Variants in ANGPT4 observed in about 807,000 individuals in gnomAD.
The protein encoded by ANGPT4 is angiopoietin 4.
ANGPT4 carries 50 observed loss-of-function variants against 53.0 expected under a neutral mutation model. The ratio of observed to expected loss-of-function variants is 0.94; its 90% CI spans 0.75 to 1.20. The LOEUF is 1.20. ANGPT4 is among the 50% of genes most tolerant of loss of function. ANGPT4 has a pLI of 0.00. For missense variants in ANGPT4, 648 were observed against 637.1 expected (o/e 1.02, Z -0.18); for synonymous variants, 251 against 259.7 (o/e 0.97, Z 0.32).
chr20:870,319 A>G lies in ANGPT4; in HGVS notation c.*2641T>C, dbSNP rs1220599822. ...TGAGGCAGGTGGATCACATGAGGCC[A>G]GGAGTTTGAGACCAGCCTGGCCAAC... On this transcript the variant is annotated 3_prime_UTR_variant, in exon 9 of 9. Coordinates refer to ENST00000381922, the MANE Select transcript of ANGPT4 (RefSeq NM_015985.4). 6.6e-6 allele frequency: 1 copy of G among 152,190 alleles called. No homozygotes were observed. The highest frequency in any genetic ancestry group is 1.5e-5 in the Non-Finnish European group (1 of 68,048). 9.4% of individuals were successfully genotyped at this position (152,190 alleles called of 1,614,324 possible).
chr20:878,556 A>G (rs1246242634), intron 6 of ANGPT4, among the ~76,000 whole-genome samples: 2 of 152,206 alleles, frequency 1.3e-5, no homozygotes. Context: ...AGTTATTGAA[A>G]TCACATTCCT....
chr20:897,468 C>A (rs909832591), intron 1 of ANGPT4, among the ~76,000 whole-genome samples: 1 of 152,218 alleles, frequency 6.6e-6, no homozygotes, highest in African/African-American at 2.4e-5. Flanking sequence ...CTAGTAGAGA[C>A]AAAGGAGACA....
intron 1 of ANGPT4, among the ~76,000 whole-genome samples, chr20:904,937 T>A (rs1428459901): frequency 6.6e-6 from 1 of 152,222 alleles, no homozygotes; most frequent in Non-Finnish European, 1.5e-5. Context: ...AAACTGCCCT[T>A]GGCAGAGGTT....
intron 3 of ANGPT4, among the ~76,000 whole-genome samples, chr20:886,953 A>G (rs1019042558): frequency 2.6e-5 from 4 of 152,226 alleles, no homozygotes; most frequent in African/African-American, 9.6e-5. Context: ...CTCTTTGTTC[A>G]CTTCTGTATC....
intron 1 of ANGPT4, among the ~76,000 whole-genome samples, chr20:894,653 G>A (rs1451949269): frequency 6.6e-6 from 1 of 152,114 alleles, no homozygotes; most frequent in Non-Finnish European, 1.5e-5. Flanking sequence ...AAATTAAAAA[G>A]CAGACATCCA....
At chr20:915,279 C>A (rs73565261) in intron 1 of ANGPT4, among the ~76,000 whole-genome samples, 15,119 of 151,478 alleles carry the variant, frequency 0.1, 1,082 homozygotes, top group African/African-American at 0.2. Context: ...CCTCCCCGCA[C>A]CCTTGCTCCC....
At chr20:877,864 G>T (rs747288064) in intron 7 of ANGPT4, among the ~76,000 whole-genome samples, 13 of 152,184 alleles carry the variant, frequency 8.5e-5, no homozygotes, top group Non-Finnish European at 1.5e-5. Context: ...TTTTGCTTCT[G>T]GGTCTCTGTA....
At chr20:889,899 C>T (rs564323013) in intron 2 of ANGPT4, among the ~76,000 whole-genome samples, 3 of 152,346 alleles carry the variant, frequency 2.0e-5, no homozygotes, top group Non-Finnish European at 4.4e-5. Flanking sequence ...TCCATCTTCC[C>T]CTGGCACATT....
rs567240862 is a variant in ANGPT4 at position 900,582 on chromosome 20, C to T, written c.310-10214G>A. Among the ~76,000 whole-genome samples, 67 of 152,284 alleles carry T rather than the reference C, an allele frequency of 4.4e-4. 1 individual carries two copies. The highest frequency in any genetic ancestry group is 1.5e-3 in the African/African-American group (63 of 41,544). On this transcript the variant is annotated intron_variant, in intron 1 of 8. Transcript: ENST00000381922. ...AAATGAGACCGAAGAGTTCCCTGTTCCCCTCATGACACCAACAGTTCACTA... is the reference window on the plus strand; with the variant it reads ...AAATGAGACCGAAGAGTTCCCTGTTTCCCTCATGACACCAACAGTTCACTA...
In ANGPT4 at chr20:911,583, C is replaced by T. The variant is rs1445922271; in HGVS notation, c.309+4323G>A. Reference sequence around the variant, plus strand: ...AGAGAGAATCAGAGACAGAGACACCCACAGAGTTAGCAACAGTGAGTCAGG... The same window carrying T: ...AGAGAGAATCAGAGACAGAGACACCTACAGAGTTAGCAACAGTGAGTCAGG... On this transcript the variant is annotated intron_variant, in intron 1 of 8. Coordinates refer to ENST00000381922, the MANE Select transcript of ANGPT4 (RefSeq NM_015985.4). The surrounding 1 kb of genome is among the most constrained non-coding windows in gnomAD (Gnocchi z 4.9). Among the ~76,000 whole-genome samples the T allele has an allele frequency of 6.6e-6, 1 of 151,792 alleles. No homozygotes were observed. Among genetic ancestry groups the T allele is most frequent in the Non-Finnish European group, 1.5e-5 (1 of 68,022 alleles).
At chr20:898,770 C>T (rs533872010) in intron 1 of ANGPT4, among the ~76,000 whole-genome samples, 2 of 152,300 alleles carry the variant, frequency 1.3e-5, no homozygotes, top group African/African-American at 2.4e-5. Context: ...ACGCCTAAGC[C>T]GCAGCAGACA....
intron 1 of ANGPT4, among the ~76,000 whole-genome samples, chr20:907,770 A>AC (rs142460629): frequency 6.6e-6 from 1 of 151,876 alleles, no homozygotes; most frequent in Non-Finnish European, 1.5e-5. Context: ...GCCCCTGCCC[A>AC]CCCCCCAACC....
chr20:898,925 A>C (rs555886329), intron 1 of ANGPT4, among the ~76,000 whole-genome samples: 1 of 152,098 alleles, frequency 6.6e-6, no homozygotes, highest in East Asian at 1.9e-4. Context: ...CAACTGTCCC[A>C]CTCGCCCACC....
chr20:877,337 G>A (rs1028705733), intron 7 of ANGPT4, among the ~76,000 whole-genome samples: 6 of 152,188 alleles, frequency 3.9e-5, no homozygotes, highest in African/African-American at 9.7e-5. Context: ...TTCAGAGATA[G>A]CCAGGACCCA....
At chr20:887,094 G>A (rs554306469) in intron 3 of ANGPT4, among the ~76,000 whole-genome samples, 6 of 152,362 alleles carry the variant, frequency 3.9e-5, no homozygotes, top group Non-Finnish European at 7.3e-5. Flanking sequence ...CTGAGAGACA[G>A]GGCTGGGAGG....
At chr20:894,562 C>T (rs927963670) in intron 1 of ANGPT4, among the ~76,000 whole-genome samples, 1 of 152,162 alleles carries the variant, frequency 6.6e-6, no homozygotes, top group African/African-American at 2.4e-5. Context: ...TGGCTGGGCC[C>T]ACCAGCATGG....
At chr20:881,385 G>T in intron 4 of ANGPT4, 99 bp from the exon 5 acceptor site, 2 of 1,020,838 alleles carry the variant, frequency 2.0e-6, no homozygotes, top group South Asian at 2.7e-5. Context: ...GTTCTGGGTT[G>T]GGAGGTGCTG....
At chr20:890,131 A>G in intron 2 of ANGPT4, 82 bp downstream of exon 2, 1 of 1,523,290 alleles carries the variant, frequency 6.6e-7, no homozygotes, top group East Asian at 2.3e-5. Context: ...TCAGGGTCAG[A>G]GATCAAGGTA....
intron 1 of ANGPT4, among the ~76,000 whole-genome samples, chr20:913,764 C>G (rs1305489204): frequency 2.0e-5 from 3 of 152,228 alleles, no homozygotes; most frequent in Non-Finnish European, 2.9e-5. Context: ...AAAGATGGAC[C>G]ATGAGAGAAG....
Sources: allele counts gnomAD v4.1 joint callset (sites outside exome capture counted in the v4.1 genomes callset), GRCh38; gene constraint gnomAD v4.1.1; non-coding constraint Gnocchi (gnomAD v3.1); transcripts MANE v1.5; gene names NCBI Gene and HGNC (gene_info 2026-07-23, HGNC 2026-07-21).